Variants in ENPP1 observed in about 807,000 individuals in gnomAD.
The protein encoded by ENPP1 is ectonucleotide pyrophosphatase/phosphodiesterase family member 1.
A neutral mutation model predicts 122.8 loss-of-function variants in ENPP1; 73 were observed. That is an observed-to-expected ratio of 0.59 (90% CI 0.49 to 0.72). ENPP1 has a LOEUF of 0.72. Among genes scored for constraint, ENPP1 ranks in the 30% least tolerant of loss-of-function variants. ENPP1 has a pLI of 0.00. For missense variants in ENPP1, 978 were observed against 1,128.1 expected (o/e 0.87, Z 1.91); for synonymous variants, 367 against 391.6 (o/e 0.94, Z 0.74).
At chr6:131,813,763 C>G (rs1781383517) in intron 1 of ENPP1, among the ~76,000 whole-genome samples, 2 of 152,162 alleles carry the variant, frequency 1.3e-5, no homozygotes, top group Admixed American at 6.5e-5. Context: ...CGTTTGACCT[C>G]TCTTCCTATT....
intron 1 of ENPP1, among the ~76,000 whole-genome samples, chr6:131,842,612 A>C (rs1281309311): frequency 5.3e-5 from 8 of 151,770 alleles, no homozygotes; most frequent in Non-Finnish European, 1.0e-4. Context: ...GCCTTTTGAA[A>C]CCCTTTTCTT....
intron 11 of ENPP1, 91 bp from the exon 12 acceptor site, chr6:131,867,927 C>CTTTTTTTTTTTTTT: frequency 1.4e-6 from 1 of 737,802 alleles, no homozygotes; most frequent in Non-Finnish European, 2.3e-6. Flanking sequence ...TTGTTTCTTT[C>CTTTTTTTTTTTTTT]TTTTTTTTTT....
At chr6:131,816,550 T>C (rs1781417167) in intron 1 of ENPP1, among the ~76,000 whole-genome samples, 1 of 152,210 alleles carries the variant, frequency 6.6e-6, no homozygotes, top group African/African-American at 2.4e-5. Flanking sequence ...GGAAAGACAA[T>C]GTAGGAACAC....
chr6:131,820,982 C>A (rs1781478323), intron 1 of ENPP1, among the ~76,000 whole-genome samples: 1 of 152,068 alleles, frequency 6.6e-6, no homozygotes, highest in Non-Finnish European at 1.5e-5. Flanking sequence ...GCATAATATG[C>A]CCTGAATAAG....
At chr6:131,865,401 A>G (rs1482771556) in intron 11 of ENPP1, among the ~76,000 whole-genome samples, 1 of 152,202 alleles carries the variant, frequency 6.6e-6, no homozygotes, top group Non-Finnish European at 1.5e-5. Flanking sequence ...GGGAGATTTT[A>G]TCAAAAGTGT....
At chr6:131,879,828 T>G in intron 19 of ENPP1, 52 bp from the exon 20 acceptor site, 1 of 1,488,508 alleles carries the variant, frequency 6.7e-7, no homozygotes, top group East Asian at 2.3e-5. Flanking sequence ...TCACACTATA[T>G]ATTATCATAT....
chr6:131,845,667 C>G (rs1781800778), intron 1 of ENPP1, among the ~76,000 whole-genome samples: 1 of 151,966 alleles, frequency 6.6e-6, no homozygotes. Flanking sequence ...CCATGTTGAC[C>G]AGGCTGGTCT....
chr6:131,881,198 G>A (rs1334317800), intron 20 of ENPP1, among the ~76,000 whole-genome samples: 1 of 152,076 alleles, frequency 6.6e-6, no homozygotes, highest in Non-Finnish European at 1.5e-5. Context: ...ATAGGGATAT[G>A]TCTGTTTATA....
At chr6:131,827,927 G>C in intron 1 of ENPP1, 1 of 1,091,942 alleles carries the variant, frequency 9.2e-7, no homozygotes, top group Non-Finnish European at 1.4e-6. Context: ...CAGGTGGTCC[G>C]TGGAGAATCG....
At chr6:131,858,941 G>A (rs1403321985) in intron 7 of ENPP1, among the ~76,000 whole-genome samples, 194 bp downstream of exon 7, 4 of 152,192 alleles carry the variant, frequency 2.6e-5, no homozygotes, top group Admixed American at 2.6e-4. Context: ...TACTGGCTGA[G>A]TCTCCATTTT....
chr6:131,818,882 T>G (rs1180716111), intron 1 of ENPP1, among the ~76,000 whole-genome samples: 1 of 152,230 alleles, frequency 6.6e-6, no homozygotes, highest in Non-Finnish European at 1.5e-5. Flanking sequence ...AGCTTTTTAT[T>G]TAGACTTATT....
intron 1 of ENPP1, among the ~76,000 whole-genome samples, chr6:131,815,871 A>G (rs1781406969): frequency 8.6e-6 from 1 of 115,842 alleles, no homozygotes; most frequent in East Asian, 2.6e-4. Context: ...CACCTGGCTA[A>G]TTTTTTTTTT....
intron 8 of ENPP1, 111 bp downstream of exon 8, chr6:131,860,617 C>T: frequency 1.3e-6 from 1 of 791,454 alleles, no homozygotes; most frequent in Non-Finnish European, 2.1e-6. Context: ...TTTAGTGTGT[C>T]TGTGGCCATT....
At chr6:131,873,416 T>G (rs1205554485) in intron 15 of ENPP1, among the ~76,000 whole-genome samples, 1 of 152,178 alleles carries the variant, frequency 6.6e-6, no homozygotes, top group Non-Finnish European at 1.5e-5. Flanking sequence ...GCTTTTCATA[T>G]ACATATTGAT....
At chr6:131,835,855 A>T (rs984205120) in intron 1 of ENPP1, among the ~76,000 whole-genome samples, 5 of 152,090 alleles carry the variant, frequency 3.3e-5, no homozygotes, top group African/African-American at 1.2e-4. Context: ...GATTTAGGGG[A>T]TTGTGTTCTC....
rs1177592876 is a variant in ENPP1 at position 131,894,023 on chromosome 6, G to A, written c.*3512G>A. The stretch of plus-strand genomic sequence containing the variant: ...GGCTGGAGTGCAGTGGCAAGATCTT[G>A]GCTCACTGCAAGCTCCGCCTCCCAG... On this transcript the variant is annotated 3_prime_UTR_variant, in exon 25 of 25. Transcript: ENST00000647893. The A allele has an allele frequency of 8.1e-6, 1 of 123,798 alleles. No homozygotes were observed. The highest frequency in any genetic ancestry group is 1.1e-4 in the Admixed American group (1 of 9,310). The allele number at this position is 123,798 out of a possible 1,614,324, so 7.7% of individuals were successfully genotyped here.
Position 131,869,407 on chromosome 6 carries a change from G to T in ENPP1, c.1323G>T (p.Leu441Phe). Reference protein sequence around the residue: ...CKKYIYLNKYLGDVKNIKVIY... With the variant: ...CKKYIYLNKYFGDVKNIKVIY... The stretch of plus-strand genomic sequence containing the variant: ...AATACATATATCTGAATAAATATTT[G>T]GGGGATGTTAAAAATATTAAAGTTA... Residue 441 changes from leucine (L) to phenylalanine (F), a missense_variant, in exon 13 of 25, where the codon TTG becomes TTT. Leu to Phe is a conservative substitution (Grantham distance 22, BLOSUM62 0). Coordinates refer to ENST00000647893, the MANE Select transcript of ENPP1 (RefSeq NM_006208.3). The T allele has an allele frequency of 6.2e-7, 1 of 1,612,196 alleles. No homozygotes were observed. Among genetic ancestry groups the T allele is most frequent in the Non-Finnish European group, 8.5e-7 (1 of 1,178,448 alleles).
chr6:131,817,293 C>T (rs1465210601), intron 1 of ENPP1, among the ~76,000 whole-genome samples: 1 of 152,172 alleles, frequency 6.6e-6, no homozygotes, highest in Non-Finnish European at 1.5e-5. Context: ...CTCTCCTTTG[C>T]CTGCTTCAGT....
At chr6:131,817,538 T>A (rs1293566539) in intron 1 of ENPP1, among the ~76,000 whole-genome samples, 1 of 152,140 alleles carries the variant, frequency 6.6e-6, no homozygotes, top group African/African-American at 2.4e-5. Context: ...GTTTCCTTCT[T>A]GGCTTATTTT....
Sources: allele counts gnomAD v4.1 joint callset (sites outside exome capture counted in the v4.1 genomes callset), GRCh38; gene constraint gnomAD v4.1.1; transcripts MANE v1.5; gene names NCBI Gene and HGNC (gene_info 2026-07-23, HGNC 2026-07-21).